GLIS3: variants seen among roughly 807,000 people sequenced by gnomAD.
The protein encoded by GLIS3 is GLIS family zinc finger 3.
In GLIS3, 53 loss-of-function variants were observed where a neutral mutation model predicts 78.6. The observed-to-expected ratio is 0.67, with a 90% CI of 0.54 to 0.85. GLIS3 has a LOEUF of 0.85. Ranked by LOEUF, GLIS3 falls within the 40% of genes least tolerant of loss-of-function variation. The probability of loss-of-function intolerance (pLI) is 0.00; values close to 1 mark genes in which losing one functional copy is unlikely to be tolerated. For synonymous variants in GLIS3, 684 were observed against 509.9 expected (o/e 1.34, Z -4.60); for missense variants, 1,703 against 1,231.1 (o/e 1.38, Z -5.74).
chr9:4,358,986 C>G, the GLIS3 span, among the ~76,000 whole-genome samples: 43 of 152,310 alleles, frequency 2.8e-4, no homozygotes, highest in African/African-American at 1.0e-3. Flanking sequence ...TCACTAGTCC[C>G]ATCCTCAGCA....
At chr9:4,270,417 G>A (rs1052813586) in intron 2 of GLIS3, among the ~76,000 whole-genome samples, 1 of 152,166 alleles carries the variant, frequency 6.6e-6, no homozygotes, top group Non-Finnish European at 1.5e-5. Context: ...TGGCTTAGGT[G>A]GGTCCTCTGC....
chr9:3,848,371 G>T (rs759511961), intron 9 of GLIS3, among the ~76,000 whole-genome samples: 1 of 152,034 alleles, frequency 6.6e-6, no homozygotes, highest in African/African-American at 2.4e-5. Context: ...GCGTGGTGGC[G>T]CATGCCTGTA....
chr9:3,892,074 A>G (rs1822492691), intron 7 of GLIS3, among the ~76,000 whole-genome samples: 1 of 152,158 alleles, frequency 6.6e-6, no homozygotes, highest in African/African-American at 2.4e-5. Flanking sequence ...TTCTTAAGGT[A>G]GGACTAGGTG....
At chr9:3,854,558 A>G (rs574645418) in intron 9 of GLIS3, among the ~76,000 whole-genome samples, 7 of 146,632 alleles carry the variant, frequency 4.8e-5, no homozygotes, top group Non-Finnish European at 1.0e-4. Context: ...TTTTTTTGAG[A>G]CAGAGTCTCG....
At chr9:4,300,208 TCACACACACACACACACACACACA>T (rs35733770), upstream of GLIS3, among the ~76,000 whole-genome samples, 44 of 143,050 alleles carry the variant, frequency 3.1e-4, no homozygotes, top group East Asian at 7.0e-3. Context: ...CTTGACGCAT[TCACACACACACACACACACACACA>T]CACACACACA....
intron 1 of GLIS3, among the ~76,000 whole-genome samples, chr9:4,295,002 T>C (rs1358348905): frequency 6.6e-6 from 1 of 152,210 alleles, no homozygotes; most frequent in Non-Finnish European, 1.5e-5. Flanking sequence ...CCAGTTTAAT[T>C]ACAGTTGCAT....
chr9:4,191,411 A>G (rs186092211), intron 2 of GLIS3, among the ~76,000 whole-genome samples: 1 of 152,350 alleles, frequency 6.6e-6, no homozygotes, highest in African/African-American at 2.4e-5. Context: ...TGCATGAAAT[A>G]AAATCTGGAC....
At chr9:4,043,158 C>T (rs1462419888) in intron 4 of GLIS3, among the ~76,000 whole-genome samples, 2 of 152,196 alleles carry the variant, frequency 1.3e-5, no homozygotes, top group Admixed American at 6.5e-5. Context: ...CCCAATTTAA[C>T]TCCTGCATTT....
At chr9:3,906,739 C>T (rs1443351136) in intron 6 of GLIS3, among the ~76,000 whole-genome samples, 2 of 152,172 alleles carry the variant, frequency 1.3e-5, no homozygotes, top group Non-Finnish European at 2.9e-5. Context: ...TTGAGTTTAT[C>T]GTGCTATACT....
intron 2 of GLIS3, among the ~76,000 whole-genome samples, chr9:4,246,639 G>A (rs1280515479): frequency 7.9e-5 from 12 of 152,134 alleles, no homozygotes; most frequent in Admixed American, 7.9e-4. Flanking sequence ...CCCACTAACT[G>A]CTACTGACTC....
At position 3,888,787 on chromosome 9, in the gene GLIS3, C is replaced by T. The variant is rs181937455; in HGVS notation, c.2129-9192G>A. Among the ~76,000 whole-genome samples the T allele has an allele frequency of 4.7e-4, 72 of 152,290 alleles. 1 individual carries two copies. The highest frequency in any genetic ancestry group is 9.0e-4 in the Non-Finnish European group (61 of 68,026). On this transcript the variant is annotated intron_variant, in intron 7 of 10. Transcript: ENST00000381971. Reference sequence around the variant, plus strand: ...CAAGATAGATGCTAGAAGGTACTCACGTGCTGTCATGAGTTTATGCCCATA... The same window carrying T: ...CAAGATAGATGCTAGAAGGTACTCATGTGCTGTCATGAGTTTATGCCCATA...
intron 2 of GLIS3, among the ~76,000 whole-genome samples, chr9:4,153,505 A>T (rs1834834424): frequency 6.6e-6 from 1 of 152,194 alleles, no homozygotes; most frequent in Non-Finnish European, 1.5e-5. Flanking sequence ...CAGAGGTTGC[A>T]GTGAGCTGAG....
At chr9:4,249,405 A>T (rs1824134067) in intron 2 of GLIS3, among the ~76,000 whole-genome samples, 1 of 152,128 alleles carries the variant, frequency 6.6e-6, no homozygotes, top group African/African-American at 2.4e-5. Context: ...AAGTTAACTC[A>T]TGATTTGGCT....
chr9:4,487,552 T>C, the GLIS3 span, among the ~76,000 whole-genome samples: 5 of 152,246 alleles, frequency 3.3e-5, no homozygotes, highest in East Asian at 9.6e-4. Context: ...GTAATTGTCT[T>C]ATTACAACCC....
chr9:4,327,023 G>A (rs1314674866), intron 2 of GLIS3, among the ~76,000 whole-genome samples: 1 of 152,234 alleles, frequency 6.6e-6, no homozygotes, highest in Non-Finnish European at 1.5e-5. Flanking sequence ...TTAGAGTCAG[G>A]TGGGGTAGAC....
chr9:4,274,418 C>T lies in GLIS3; in HGVS notation c.388+11620G>A, dbSNP rs138146614. On this transcript the variant is annotated intron_variant, in intron 2 of 10. Coordinates refer to ENST00000381971, the MANE Select transcript of GLIS3 (RefSeq NM_001042413.2). ...TGCACAGGGATATTCTCAGGGCAAG[C>T]GCAGACCCTCAAAGGTGCCCAGAGC... Among the ~76,000 whole-genome samples the T allele has an allele frequency of 2.8e-3, 430 of 152,154 alleles. 2 individuals carry two copies. Among genetic ancestry groups the T allele is most frequent in the African/African-American group, 0.01 (417 of 41,508 alleles).
the GLIS3 span, among the ~76,000 whole-genome samples, chr9:4,354,933 G>A: frequency 1.3e-4 from 20 of 152,118 alleles, no homozygotes; most frequent in South Asian, 2.1e-3. Flanking sequence ...TGGCTAACAC[G>A]GCGAAACCCC....
At position 4,297,120 on chromosome 9, in the gene GLIS3, C is replaced by CA. The variant is rs111499278; in HGVS notation, c.-99+2300dup. Among the ~76,000 whole-genome samples, 950 of 131,818 alleles carry CA rather than the reference C, an allele frequency of 7.2e-3. 8 individuals are homozygous for CA. The highest frequency in any genetic ancestry group is 0.016 in the African/African-American group (595 of 36,668). The allele number at this position is 131,818 out of a possible 152,430, so 86.5% of individuals were successfully genotyped here. On this transcript the variant is annotated intron_variant, in intron 1 of 10. Coordinates refer to ENST00000381971, the MANE Select transcript of GLIS3 (RefSeq NM_001042413.2). ...AACCAACACAAGTCGATTTTGTACC[C>CA]AAAAAAAAAAAAAAGTTTAGTCTAA...
intron 2 of GLIS3, among the ~76,000 whole-genome samples, chr9:4,205,466 G>A (rs983639897): frequency 6.6e-6 from 1 of 152,254 alleles, no homozygotes; most frequent in Non-Finnish European, 1.5e-5. Flanking sequence ...GGGATTCTGA[G>A]AAAAAGACAT....
Sources: gnomAD v4.1 joint callset for allele counts (sites outside exome capture counted in the v4.1 genomes callset) on GRCh38, gnomAD v4.1.1 for gene constraint, MANE v1.5 for transcripts, NCBI Gene and HGNC (gene_info 2026-07-23, HGNC 2026-07-21) for gene names.